The following TMEM245 variants were observed in gnomAD, a reference collection of about 807,000 sequenced individuals.
TMEM245 encodes transmembrane protein 245, also known as protein CG-2.
In TMEM245, 69 loss-of-function variants were observed where a neutral mutation model predicts 101.2. The ratio of observed to expected loss-of-function variants is 0.68; its 90% CI spans 0.56 to 0.83. The LOEUF is 0.83. TMEM245 is among the 40% of genes least tolerant of loss of function. The pLI is 0.00. For synonymous variants in TMEM245, 537 were observed against 449.8 expected (o/e 1.19, Z -2.45); for missense variants, 1,075 against 1,092.8 (o/e 0.98, Z 0.23).
chr9:109,044,128 T>TA (rs1428691095), intron 14 of TMEM245, among the ~76,000 whole-genome samples: 3 of 152,234 alleles, frequency 2.0e-5, no homozygotes, highest in East Asian at 1.9e-4. Context: ...TTATAAATCC[T>TA]AGGATGAAAC....
chr9:109,102,180 A>G (rs1032969728), intron 3 of TMEM245, among the ~76,000 whole-genome samples: 2 of 152,230 alleles, frequency 1.3e-5, no homozygotes, highest in African/African-American at 2.4e-5. Context: ...CTAGTCAGAT[A>G]TATAACCACA....
intron 8 of TMEM245, among the ~76,000 whole-genome samples, chr9:109,077,841 T>C (rs955779071): frequency 2.0e-5 from 3 of 152,214 alleles, no homozygotes; most frequent in East Asian, 1.9e-4. Context: ...CAAAAGCAAG[T>C]TGGAACTTGC....
At chr9:109,111,795 G>A (rs1212749027) in intron 1 of TMEM245, among the ~76,000 whole-genome samples, 1 of 152,036 alleles carries the variant, frequency 6.6e-6, no homozygotes, top group Non-Finnish European at 1.5e-5. Context: ...CAATTTATTC[G>A]TGTGTAAATT....
chr9:109,030,674 T>A (rs1032080681), intron 17 of TMEM245, among the ~76,000 whole-genome samples: 7 of 152,182 alleles, frequency 4.6e-5, no homozygotes, highest in African/African-American at 1.7e-4. Context: ...AAGGATATCA[T>A]AGTGTCACCA....
chr9:109,117,944 A>T (rs1830771269), intron 1 of TMEM245, among the ~76,000 whole-genome samples: 1 of 152,248 alleles, frequency 6.6e-6, no homozygotes, highest in Admixed American at 6.5e-5. Flanking sequence ...AAGATAAAGG[A>T]TAAAGAGCGC....
chr9:109,111,725 T>C (rs968277721), intron 1 of TMEM245, among the ~76,000 whole-genome samples: 8 of 152,196 alleles, frequency 5.3e-5, no homozygotes, highest in African/African-American at 1.4e-4. Flanking sequence ...TCTCCAAAAA[T>C]TGAGTAATTA....
intron 9 of TMEM245, among the ~76,000 whole-genome samples, chr9:109,072,618 G>A (rs1429553680): frequency 6.6e-6 from 1 of 152,192 alleles, no homozygotes; most frequent in Non-Finnish European, 1.5e-5. Context: ...GTGGTGTTGA[G>A]GCTGGTCCCC....
chr9:109,088,241 TAC>T lies in TMEM245; in HGVS notation c.1151-901_1151-900del, dbSNP rs147243139. On this transcript the variant is annotated intron_variant, in intron 5 of 17. Coordinates refer to ENST00000374586, the MANE Select transcript of TMEM245 (RefSeq NM_032012.4). ...CTGTTTTGAACCATGAGCTCAGTGT[TAC>T]ACACAAGTTCAACAATTCCTTTATT... Among the ~76,000 whole-genome samples, 815 of 152,340 alleles carry T rather than the reference TAC, an allele frequency of 5.3e-3. 12 individuals are homozygous for T. The highest frequency in any genetic ancestry group is 0.019 in the African/African-American group (779 of 41,588).
chr9:109,100,182 T>C (rs1338283406), intron 3 of TMEM245, among the ~76,000 whole-genome samples: 1 of 152,196 alleles, frequency 6.6e-6, no homozygotes, highest in African/African-American at 2.4e-5. Context: ...TATGGAAAAC[T>C]GAAGGAGCTG....
chr9:109,033,499 C>A lies in TMEM245; in HGVS notation c.2402G>T (p.Gly801Val). The A allele has an allele frequency of 6.3e-7, 1 of 1,588,664 alleles. No homozygotes were observed. The highest frequency in any genetic ancestry group is 8.6e-7 in the Non-Finnish European group (1 of 1,169,068). The change falls in exon 17 of 18, where the codon GGT (glycine) becomes GTT (valine). Residue 801 changes from glycine to valine, a missense_variant and splice_region_variant. Gly to Val is a moderately radical substitution (Grantham distance 109). This residue lies in a region of TMEM245 where 267 missense variants were observed against 351.3 expected (regional missense o/e 0.76). Transcript: ENST00000374586. The part of the protein sequence containing the change: ...DTAIYSDISG[G>V]GHPYLTGLAV... ...CAAGCCTGTCAGGTAAGGATGGCCA[C>A]CTCTGGAATAAAGAGCACGACCTTT... is the stretch of plus-strand genomic sequence containing the variant.
intron 1 of TMEM245, among the ~76,000 whole-genome samples, chr9:109,118,120 G>A (rs1428188219): frequency 1.3e-5 from 2 of 152,200 alleles, no homozygotes; most frequent in Non-Finnish European, 2.9e-5. Flanking sequence ...TATATGTACC[G>A]TGAAGACGGG....
intron 17 of TMEM245, 29 bp downstream of exon 17, chr9:109,033,278 C>T (rs553969925): frequency 6.4e-7 from 1 of 1,561,212 alleles, no homozygotes; most frequent in Non-Finnish European, 8.7e-7. Context: ...TGTATAAATA[C>T]AGCTTATGAT....
At chr9:109,118,039 C>T (rs956769485) in intron 1 of TMEM245, among the ~76,000 whole-genome samples, 4 of 152,246 alleles carry the variant, frequency 2.6e-5, no homozygotes, top group African/African-American at 9.6e-5. Flanking sequence ...GGGCCTGTGG[C>T]CCACAACGGA....
intron 14 of TMEM245, among the ~76,000 whole-genome samples, chr9:109,048,433 G>GAA (rs1053984165): frequency 7.6e-6 from 1 of 132,182 alleles, no homozygotes; most frequent in African/African-American, 2.8e-5. Context: ...AATTATCAGA[G>GAA]AAAAAAAAAA....
intron 3 of TMEM245, among the ~76,000 whole-genome samples, chr9:109,098,428 G>C (rs1473792038): frequency 1.3e-5 from 2 of 152,028 alleles, no homozygotes; most frequent in African/African-American, 4.8e-5. Flanking sequence ...CAAAGTATTT[G>C]AAAATTATGA....
chr9:109,035,180 A>AAAAAAAAC (rs1828084752), intron 16 of TMEM245, among the ~76,000 whole-genome samples: 1 of 149,374 alleles, frequency 6.7e-6, no homozygotes, highest in African/African-American at 2.5e-5. Context: ...AAAAAAAAAA[A>AAAAAAAAC]AGACAGTGTT....
chr9:109,106,155 T>A (rs1830413784), intron 3 of TMEM245, among the ~76,000 whole-genome samples: 1 of 150,310 alleles, frequency 6.7e-6, no homozygotes. Flanking sequence ...AGCCCAGGAG[T>A]TCAAGGTTAC....
rs558171566 is a variant in TMEM245 at position 109,030,154 on chromosome 9, C to T, written c.2594+3153G>A. Among the ~76,000 whole-genome samples, 106 of 152,132 alleles carry T rather than the reference C, an allele frequency of 7.0e-4. 3 individuals are homozygous for T. The South Asian group carries it at 0.021, about 30-fold the overall frequency. On this transcript the variant is annotated intron_variant, in intron 17 of 17. Coordinates refer to ENST00000374586, the MANE Select transcript of TMEM245 (RefSeq NM_032012.4). ...TATATGACCAAATCAGAAATAAATACGTCACTTCAAGATATGGAGGTAAAT... is the reference window on the plus strand; with the variant it reads ...TATATGACCAAATCAGAAATAAATATGTCACTTCAAGATATGGAGGTAAAT...
chr9:109,091,100 G>T lies in TMEM245; in HGVS notation c.972C>A (p.Ser324=). ...APTLSTSPSP[S]SPSPTSPSPT... is the part of the protein sequence containing the mutation. The stretch of plus-strand genomic sequence containing the variant: ...GTGAAGGGGAAGTGGGTGAAGGGGA[G>T]GAGGGTGAAGGGGAGGTGGACAACG... The change falls in exon 5 of 18, where the codon TCC becomes TCA. Residue 324 remains serine, a synonymous_variant. Coordinates refer to ENST00000374586, the MANE Select transcript of TMEM245 (RefSeq NM_032012.4). 1 of 1,614,056 alleles carries T rather than the reference G, an allele frequency of 6.2e-7. No individual in the cohort carries two copies. The highest frequency in any genetic ancestry group is 8.5e-7 in the Non-Finnish European group (1 of 1,179,940).
Sources: allele counts gnomAD v4.1 joint callset (sites outside exome capture counted in the v4.1 genomes callset), GRCh38; gene constraint gnomAD v4.1.1; regional missense constraint gnomAD v4.1.1; transcripts MANE v1.5; gene names NCBI Gene and HGNC (gene_info 2026-07-23, HGNC 2026-07-21).